AHNAK: variants seen among roughly 807,000 people sequenced by gnomAD.
AHNAK encodes the protein AHNAK nucleoprotein, also known as neuroblast differentiation-associated protein AHNAK.
A neutral mutation model predicts 37.8 loss-of-function variants in AHNAK; 23 were observed. That is an observed-to-expected ratio of 0.61 (90% CI 0.44 to 0.86). AHNAK has a LOEUF of 0.86. Among genes scored for constraint, AHNAK ranks in the 40% least tolerant of loss-of-function variants. The probability of loss-of-function intolerance (pLI) is 0.00; values close to 1 mark genes in which losing one functional copy is unlikely to be tolerated. For missense variants in AHNAK, 7,411 were observed against 7,319.4 expected (o/e 1.01, Z -0.46); for synonymous variants, 2,481 against 2,636.3 (o/e 0.94, Z 1.80).
intron 5 of AHNAK, among the ~76,000 whole-genome samples, chr11:62,480,689 AAAG>A (rs1289988536): frequency 2.0e-5 from 3 of 151,676 alleles, no homozygotes; most frequent in Non-Finnish European, 4.4e-5. Flanking sequence ...AAAAGAAAAA[AAAG>A]AAAGGCCTGA....
At chr11:62,543,662 C>T (rs1038352694) in intron 1 of AHNAK, among the ~76,000 whole-genome samples, 4 of 152,220 alleles carry the variant, frequency 2.6e-5, no homozygotes, top group Non-Finnish European at 5.9e-5. Context: ...CACCCAGGAA[C>T]GCTGGAAATT....
In AHNAK at chr11:62,520,982, C is replaced by T; in HGVS notation, c.13435G>A (p.Val4479Ile). 1.2e-6 allele frequency: 2 copies of T among 1,614,058 alleles called. No individual in the cohort carries two copies. Among genetic ancestry groups the T allele is most frequent in the Non-Finnish European group, 1.7e-6 (2 of 1,180,020 alleles). ...TCACTTTCCACCTTAGGTAGTGAAA[C>T]ATCCACATCACCCTTCACCTTGGGA... ...KGPKVKGDVD[V>I]SLPKVESDLK... Residue 4479 changes from valine (V) to isoleucine (I), a missense_variant, in exon 5 of 5, where the codon GTT becomes ATT. By Grantham distance (29) the Val-to-Ile change is conservative (BLOSUM62 3). Transcript: ENST00000378024.
At chr11:62,465,792 TAAGCC>T (rs1938899533) in intron 5 of AHNAK, among the ~76,000 whole-genome samples, 1 of 152,084 alleles carries the variant, frequency 6.6e-6, no homozygotes, top group Non-Finnish European at 1.5e-5. Context: ...TATGCTGCTC[TAAGCC>T]AAGAAACACC....
In AHNAK at chr11:62,517,840, C is replaced by A; in HGVS notation, c.16577G>T (p.Gly5526Val). ...GQISGPEIKG[G>V]LKGSEVGFHG... ...GAAACCTACTTCTGAACCTTTCAGACCACCTTTGATTTCAGGCCCAGAAAT... is the reference window on the plus strand; with the variant it reads ...GAAACCTACTTCTGAACCTTTCAGAACACCTTTGATTTCAGGCCCAGAAAT... The change falls in exon 5 of 5, where the codon GGT (glycine) becomes GTT (valine). Residue 5526 changes from glycine to valine, a missense_variant. Physicochemically the swap from Gly to Val is moderately radical, Grantham distance 109. Transcript: ENST00000378024. 6 of 1,614,216 alleles carry A rather than the reference C, an allele frequency of 3.7e-6. No homozygotes were observed. Among genetic ancestry groups the A allele is most frequent in the South Asian group, 1.1e-5 (1 of 91,088 alleles).
At chr11:62,479,969 G>A (rs1184964895) in intron 5 of AHNAK, among the ~76,000 whole-genome samples, 1 of 152,182 alleles carries the variant, frequency 6.6e-6, no homozygotes, top group African/African-American at 2.4e-5. Context: ...GGAGGGAGAT[G>A]AGGTCCCAGT....
intron 5 of AHNAK, among the ~76,000 whole-genome samples, chr11:62,490,727 G>A (rs1447937915): frequency 2.6e-5 from 4 of 152,084 alleles, no homozygotes; most frequent in Non-Finnish European, 4.4e-5. Context: ...GTGGGAATGT[G>A]GGCTCAGTGA....
chr11:62,522,173 C>A lies in AHNAK; in HGVS notation c.12244G>T (p.Val4082Phe), dbSNP rs748658430. 1.2e-6 allele frequency: 2 copies of A among 1,613,790 alleles called. No homozygotes were observed. Among genetic ancestry groups the A allele is most frequent in the South Asian group, 2.2e-5 (2 of 91,070 alleles). Residue 4082 changes from valine (V) to phenylalanine (F), a missense_variant, in exon 5 of 5, where the codon GTT (valine) becomes TTT (phenylalanine). Val to Phe is a conservative substitution (Grantham distance 50). Coordinates refer to ENST00000378024, the MANE Select transcript of AHNAK (RefSeq NM_001620.3). Reference sequence around the variant, plus strand: ...TCAATGTCAGCTTTGGGCAAATTAACATCCACTTCTGGGCCCTCTCCTTTA... The same window carrying A: ...TCAATGTCAGCTTTGGGCAAATTAAAATCCACTTCTGGGCCCTCTCCTTTA... ...GFKGEGPEVD[V>F]NLPKADIDVS...
chr11:62,474,059 G>A (rs1939094262), intron 5 of AHNAK, among the ~76,000 whole-genome samples: 1 of 151,548 alleles, frequency 6.6e-6, no homozygotes, highest in African/African-American at 2.4e-5. Flanking sequence ...TTTAATCACT[G>A]TACATTGTAT....
chr11:62,532,807 T>C lies in AHNAK; in HGVS notation c.1610A>G (p.Lys537Arg). The C allele has an allele frequency of 6.2e-7, 1 of 1,614,088 alleles. No individual in the cohort carries two copies. Among genetic ancestry groups the C allele is most frequent in the East Asian group, 2.2e-5 (1 of 44,888 alleles). The change falls in exon 5 of 5, where the codon AAA becomes AGA. Residue 537 changes from lysine to arginine, a missense_variant. Physicochemically the swap from Lys to Arg is conservative, Grantham distance 26. Coordinates refer to ENST00000378024, the MANE Select transcript of AHNAK (RefSeq NM_001620.3). Reference protein sequence around the residue: ...GDVKGPQVALKGSRVDIETPN... With the variant: ...GDVKGPQVALRGSRVDIETPN... ...TGTCTCTATGTCCACTCTGGAGCCT[T>C]TAAGTGCCACTTGAGGGCCTTTAAC...
chr11:62,469,865 G>A (rs1375494755), intron 5 of AHNAK, among the ~76,000 whole-genome samples: 2 of 152,190 alleles, frequency 1.3e-5, no homozygotes, highest in Non-Finnish European at 2.9e-5. Flanking sequence ...GAAACTGATT[G>A]AGTTCACAAA....
In AHNAK at chr11:62,516,612, C is replaced by T. The variant is rs1385308206; in HGVS notation, c.*132G>A. On this transcript the variant is annotated 3_prime_UTR_variant, in exon 5 of 5. Transcript: ENST00000378024. ...CGGTCGGTTTTTCAGCGCTTGCCAC[C>T]GGGCCAGGCAAGGTCTTTGCATGAT... is the stretch of plus-strand genomic sequence containing the variant. 12 of 1,483,908 alleles carry T rather than the reference C, an allele frequency of 8.1e-6. No homozygotes were observed. In the Middle Eastern group the frequency reaches 6.3e-4, roughly 78 times the overall value. The allele number at this position is 1,483,908 out of a possible 1,614,324, so 91.9% of individuals were successfully genotyped here.
rs1329366596 is a variant in AHNAK at position 62,528,856 on chromosome 11, T to C, written c.5561A>G (p.Lys1854Arg). 1.9e-6 allele frequency: 3 copies of C among 1,613,454 alleles called. No individual in the cohort carries two copies. Among genetic ancestry groups the C allele is most frequent in the East Asian group, 4.5e-5 (2 of 44,826 alleles). Reference protein sequence around the residue: ...KMPEMHFKAPKISMPDVDLHL... With the variant: ...KMPEMHFKAPRISMPDVDLHL... ...TAAGTCCACATCAGGCATGGAGATC[T>C]TGGGGGCCTTGAAGTGCATCTCAGG... Residue 1854 changes from lysine (K) to arginine (R), a missense_variant, in exon 5 of 5, where the codon AAG becomes AGG. Transcript: ENST00000378024.
rs144440482 is a variant in AHNAK at position 62,532,201 on chromosome 11, T to C, written c.2216A>G (p.Asp739Gly). The C allele has an allele frequency of 1.9e-6, 3 of 1,614,132 alleles. No individual in the cohort carries two copies. The highest frequency in any genetic ancestry group is 1.3e-5 in the African/African-American group (1 of 75,028). The stretch of plus-strand genomic sequence containing the variant: ...CAAGTGCCAGTCTGGGCCATGAACA[T>C]CCACATCTGGGGCATCAATGTCCAC... ...PKVDIDAPDV[D>G]VHGPDWHLKM... The change falls in exon 5 of 5, where the codon GAT becomes GGT. Residue 739 changes from aspartate (D) to glycine (G), a missense_variant. Asp to Gly is a moderately conservative substitution (Grantham distance 94). Transcript: ENST00000378024.
chr11:62,510,044 TTTTGTTTGTTTG>T (rs140209456), intron 4 of AHNAK, among the ~76,000 whole-genome samples: 12,493 of 151,448 alleles, frequency 0.082, 712 homozygotes, highest in East Asian at 0.24. Context: ...TGTATTGGAG[TTTTGTTTGTTTG>T]TTTGTTTGTT....
At chr11:62,489,342 C>T (rs532795870) in intron 5 of AHNAK, among the ~76,000 whole-genome samples, 1 of 151,826 alleles carries the variant, frequency 6.6e-6, no homozygotes, top group Admixed American at 6.6e-5. Context: ...GGAAGTGGTG[C>T]GGGCTGAGCC....
chr11:62,445,320 CTAA>C (rs1334941445), intron 5 of AHNAK, among the ~76,000 whole-genome samples: 1 of 152,114 alleles, frequency 6.6e-6, no homozygotes, highest in African/African-American at 2.4e-5. Flanking sequence ...TCATTTTAAC[CTAA>C]TGTTATGTTT....
At position 62,521,995 on chromosome 11, in the gene AHNAK, G is replaced by T; in HGVS notation, c.12422C>A (p.Pro4141Gln). Reference protein sequence around the residue: ...MPEVDLNLKGPKMKGDVDVSL... With the variant: ...MPEVDLNLKGQKMKGDVDVSL... ...AACGTCCACGTCGCCCTTCATCTTTGGACCTTTCAGATTCAGGTCAACTTC... is the reference window on the plus strand; with the variant it reads ...AACGTCCACGTCGCCCTTCATCTTTTGACCTTTCAGATTCAGGTCAACTTC... Residue 4141 changes from proline (P) to glutamine (Q), a missense_variant, in exon 5 of 5, where the codon CCA (proline) becomes CAA (glutamine). Pro to Gln is a moderately conservative substitution (Grantham distance 76). Transcript: ENST00000378024. 6.2e-7 allele frequency: 1 copy of T among 1,613,686 alleles called. No individual in the cohort carries two copies.
chr11:62,451,054 C>T (rs1565198183), intron 5 of AHNAK, among the ~76,000 whole-genome samples: 1 of 145,692 alleles, frequency 6.9e-6, no homozygotes, highest in Non-Finnish European at 1.6e-5. Context: ...AGGCAGGGGG[C>T]AGGCTCAGAT....
rs779074697 is a variant in AHNAK at position 62,524,405 on chromosome 11, C to T, written c.10012G>A (p.Gly3338Ser). The change falls in exon 5 of 5, where the codon GGT (glycine) becomes AGT (serine). Residue 3338 changes from glycine (G) to serine (S), a missense_variant. By Grantham distance (56) the Gly-to-Ser change is moderately conservative. Transcript: ENST00000378024. ...DIKGPEVDVS[G>S]PKLNIEGKSK... is the part of the protein sequence containing the mutation. ...TTGCCTTCGATATTAAGCTTAGGAC[C>T]GGAAACGTCCACTTCTGGGCCCTTT... 2.7e-5 allele frequency: 43 copies of T among 1,612,014 alleles called. No homozygotes were observed. The highest frequency in any genetic ancestry group is 4.4e-5 in the South Asian group (4 of 90,506).
Sources: allele counts gnomAD v4.1 joint callset (sites outside exome capture counted in the v4.1 genomes callset), GRCh38; gene constraint gnomAD v4.1.1; transcripts MANE v1.5; gene names NCBI Gene and HGNC (gene_info 2026-07-23, HGNC 2026-07-21).